ART3: variants seen among roughly 807,000 people sequenced by gnomAD.
ART3 encodes the protein ecto-ADP-ribosyltransferase 3.
ART3 carries 49 observed loss-of-function variants against 48.5 expected under a neutral mutation model. The observed-to-expected ratio is 1.01, with a 90% confidence interval of 0.80 to 1.28. ART3 has a LOEUF of 1.28. ART3 is among the 50% of genes most tolerant of loss of function. ART3 has a pLI of 0.00. For missense variants in ART3, 438 were observed against 454.3 expected (o/e 0.96, Z 0.33); for synonymous variants, 145 against 157.2 (o/e 0.92, Z 0.58).
In ART3 at chr4:76,097,601, G is replaced by T. The variant is rs770122649; in HGVS notation, c.782-43G>T. The T allele has an allele frequency of 2.0e-5, 30 of 1,488,296 alleles. No individual in the cohort carries two copies. The South Asian group carries it at 3.4e-4, about 17-fold the overall frequency. 92.2% of individuals were successfully genotyped at this position (1,488,296 alleles called of 1,614,324 possible). On this transcript the variant is annotated intron_variant, in intron 3 of 11. Transcript: ENST00000355810. The stretch of plus-strand genomic sequence containing the variant: ...TAGATTAATTGAAATATTTACTAGG[G>T]TATATTATGTCTAACTAATAAAGCT...
At chr4:76,097,137 G>C (rs1450877749) in intron 3 of ART3, among the ~76,000 whole-genome samples, 1 of 152,164 alleles carries the variant, frequency 6.6e-6, no homozygotes, top group Non-Finnish European at 1.5e-5. Context: ...GGAAAGCTTA[G>C]GTGTTTTGTC....
chr4:76,100,034 C>T (rs777141380), intron 5 of ART3, among the ~76,000 whole-genome samples: 1 of 152,144 alleles, frequency 6.6e-6, no homozygotes, highest in Non-Finnish European at 1.5e-5. Flanking sequence ...GACATTTTCT[C>T]GGCTCCTTGA....
At chr4:76,017,603 C>CA (rs1215664622) in intron 1 of ART3, among the ~76,000 whole-genome samples, 1 of 152,118 alleles carries the variant, frequency 6.6e-6, no homozygotes, top group African/African-American at 2.4e-5. Flanking sequence ...CATGTTCCCC[C>CA]AACTAGGTTG....
At chr4:76,024,091 C>T (rs1309419627) in intron 1 of ART3, among the ~76,000 whole-genome samples, 1 of 152,158 alleles carries the variant, frequency 6.6e-6, no homozygotes, top group Non-Finnish European at 1.5e-5. Flanking sequence ...AGTAAATAGC[C>T]TCCAACATAA....
chr4:76,034,628 C>T (rs1734178752), intron 1 of ART3: 3 of 649,014 alleles, frequency 4.6e-6, no homozygotes, highest in Non-Finnish European at 8.0e-6. Context: ...GGTCCTTTCA[C>T]CCACCTTTCA....
At chr4:76,103,089 AT>A (rs139087283) in intron 8 of ART3, among the ~76,000 whole-genome samples, 1,904 of 152,242 alleles carry the variant, frequency 0.013, 43 homozygotes, top group African/African-American at 0.043. Context: ...AGCTGATGGC[AT>A]TTTTTTACTA....
intron 3 of ART3, among the ~76,000 whole-genome samples, chr4:76,092,265 T>C (rs1005446827): frequency 3.9e-4 from 60 of 152,208 alleles, no homozygotes; most frequent in Non-Finnish European, 5.0e-4. Flanking sequence ...ATTTAGGTCT[T>C]AATTTCTGTC....
intron 1 of ART3, among the ~76,000 whole-genome samples, chr4:76,054,230 G>A (rs546946397): frequency 6.6e-6 from 1 of 152,308 alleles, no homozygotes; most frequent in African/African-American, 2.4e-5. Flanking sequence ...CTTGCTTGGA[G>A]AGATGACCCC....
rs148625156 is a variant in ART3 at position 76,088,905 on chromosome 4, A to C, written c.781+6370A>C. On this transcript the variant is annotated intron_variant, in intron 3 of 11. Coordinates refer to ENST00000355810, the MANE Select transcript of ART3 (RefSeq NM_001130016.3). ...GAACTCAGTTTCAAAGTTACATGTT[A>C]TATCATAGTACATTCTGTTTGATGA... Among the ~76,000 whole-genome samples the C allele has an allele frequency of 2.5e-3, 375 of 152,280 alleles. 2 individuals are homozygous for C. Among genetic ancestry groups the C allele is most frequent in the African/African-American group, 8.6e-3 (356 of 41,552 alleles).
intron 1 of ART3, among the ~76,000 whole-genome samples, chr4:76,052,292 A>G (rs6826163): frequency 0.59 from 89,011 of 151,870 alleles, 26,948 homozygotes; most frequent in East Asian, 0.94. Flanking sequence ...AGATATATCA[A>G]TGCTCACATT....
At chr4:76,073,892 A>T (rs186402669), upstream of ART3, among the ~76,000 whole-genome samples, 29 of 152,256 alleles carry the variant, frequency 1.9e-4, no homozygotes, top group Admixed American at 5.2e-4. Context: ...GTTCGTTTTC[A>T]TTGCTATATA....
chr4:76,065,496 T>C (rs1482193036), intron 1 of ART3, among the ~76,000 whole-genome samples: 1 of 151,046 alleles, frequency 6.6e-6, no homozygotes, highest in Admixed American at 6.6e-5. Flanking sequence ...AATGGTATAA[T>C]GAAATGGCCT....
upstream of ART3, among the ~76,000 whole-genome samples, chr4:76,073,479 C>T (rs189768335): frequency 6.6e-6 from 1 of 152,226 alleles, no homozygotes; most frequent in African/African-American, 2.4e-5. Flanking sequence ...AAGGTTGGAA[C>T]ATATCTCTAT....
chr4:76,066,402 C>T (rs1719741498), intron 1 of ART3, among the ~76,000 whole-genome samples: 1 of 152,114 alleles, frequency 6.6e-6, no homozygotes, highest in Non-Finnish European at 1.5e-5. Context: ...GGCAGGTCGT[C>T]TGTCAAGTGT....
intron 3 of ART3, among the ~76,000 whole-genome samples, chr4:76,092,491 A>G (rs1459531059): frequency 6.6e-6 from 1 of 152,176 alleles, no homozygotes; most frequent in African/African-American, 2.4e-5. Context: ...TGACAAAAAA[A>G]TCTGCTGTGC....
At chr4:76,095,786 C>T (rs1187318400) in intron 3 of ART3, among the ~76,000 whole-genome samples, 1 of 152,210 alleles carries the variant, frequency 6.6e-6, no homozygotes, top group African/African-American at 2.4e-5. Context: ...TAAAATCCCC[C>T]TGGTGCCTGG....
intron 3 of ART3, among the ~76,000 whole-genome samples, chr4:76,091,263 G>A (rs1421614771): frequency 2.0e-5 from 3 of 152,178 alleles, no homozygotes; most frequent in Non-Finnish European, 2.9e-5. Flanking sequence ...TAAATGCCTA[G>A]GAATGCATTG....
intron 1 of ART3, among the ~76,000 whole-genome samples, chr4:76,024,783 G>A (rs1006944089): frequency 3.3e-5 from 5 of 152,228 alleles, no homozygotes; most frequent in African/African-American, 1.2e-4. Context: ...CAGCTGGGCT[G>A]CAACAATGCA....
At chr4:76,042,910 T>C (rs1251777644) in intron 1 of ART3, among the ~76,000 whole-genome samples, 1 of 151,984 alleles carries the variant, frequency 6.6e-6, no homozygotes, top group Non-Finnish European at 1.5e-5. Context: ...TGCTGATTGG[T>C]AGAGCCGAGT....
Sources: allele counts gnomAD v4.1 joint callset (sites outside exome capture counted in the v4.1 genomes callset), GRCh38; gene constraint gnomAD v4.1.1; transcripts MANE v1.5; gene names NCBI Gene and HGNC (gene_info 2026-07-23, HGNC 2026-07-21).